The following FSTL4 variants were observed in gnomAD, a reference collection of about 807,000 sequenced individuals.
FSTL4 encodes follistatin-related protein 4.
Under a neutral mutation model 78.2 loss-of-function variants are expected in FSTL4, and 28 were observed. That is an observed-to-expected ratio of 0.36 (90% CI 0.27 to 0.49). The LOEUF (loss-of-function observed/expected upper bound fraction) is 0.49. Ranked by LOEUF, FSTL4 falls within the 20% of genes least tolerant of loss-of-function variation. The pLI, the probability that FSTL4 is intolerant of heterozygous loss-of-function variation, is 0.98. For missense variants in FSTL4, 922 were observed against 1,084.9 expected, an observed-to-expected ratio of 0.85 and a Z score of 2.11; for synonymous variants, 422 against 440.5, an observed-to-expected ratio of 0.96 and a Z score of 0.53.
At chr5:133,358,349 C>T (rs1052330981) in intron 4 of FSTL4, among the ~76,000 whole-genome samples, 2 of 152,082 alleles carry the variant, frequency 1.3e-5, no homozygotes, top group African/African-American at 4.8e-5. Flanking sequence ...CAATTCAGCC[C>T]GTCAGCTCCC....
chr5:133,284,018 T>C (rs1428145), intron 6 of FSTL4, among the ~76,000 whole-genome samples: 118,124 of 152,152 alleles, frequency 0.78, 46,130 homozygotes, highest in African/African-American at 0.87. Flanking sequence ...GGGGGAAATT[T>C]GATCCCATGA....
the FSTL4 span, among the ~76,000 whole-genome samples, chr5:133,679,443 G>A: frequency 7.9e-5 from 12 of 152,218 alleles, no homozygotes; most frequent in South Asian, 1.5e-3. Context: ...AGTGGGGATC[G>A]TGCTCCCTCA....
intron 3 of FSTL4, among the ~76,000 whole-genome samples, chr5:133,448,167 T>G (rs1212015493): frequency 2.6e-5 from 4 of 152,202 alleles, no homozygotes; most frequent in Non-Finnish European, 4.4e-5. Context: ...AACATTCCGT[T>G]AATTTGCCCC....
rs1166073254 is a variant in FSTL4 at position 133,391,791 on chromosome 5, CT to C, written c.409+8946del. ...CCTCACTCCCTAACCCCCCGGCCTG[CT>C]GCAGACCTTTGCCCAAATGTCACTT... is the stretch of plus-strand genomic sequence containing the variant. On this transcript the variant is annotated intron_variant, in intron 4 of 15. Coordinates refer to ENST00000265342, the MANE Select transcript of FSTL4 (RefSeq NM_015082.2). 1.4e-4 allele frequency among the ~76,000 whole-genome samples: 21 copies of C among 152,338 alleles called. 1 individual carries two copies. In the South Asian group the frequency reaches 3.3e-3, roughly 24 times the overall value.
intron 3 of FSTL4, among the ~76,000 whole-genome samples, chr5:133,560,846 G>C (rs1339524541): frequency 6.6e-6 from 1 of 151,470 alleles, no homozygotes; most frequent in Non-Finnish European, 1.5e-5. Flanking sequence ...CAGCACTTTG[G>C]GAGGCTGAGG....
the FSTL4 span, among the ~76,000 whole-genome samples, chr5:133,626,190 CAT>C: frequency 1.3e-3 from 2 of 1,572 alleles, no homozygotes; most frequent in Non-Finnish European, 2.1e-3. Flanking sequence ...ATATATATTC[CAT>C]ATATATATAT....
At chr5:133,410,887 A>ATCAAG (rs1756464859) in intron 3 of FSTL4, among the ~76,000 whole-genome samples, 2 of 152,226 alleles carry the variant, frequency 1.3e-5, no homozygotes. Flanking sequence ...AAAGCTTAGT[A>ATCAAG]ACAATATCGG....
At chr5:133,606,912 A>G (rs1760989879) in intron 1 of FSTL4, among the ~76,000 whole-genome samples, 1 of 152,262 alleles carries the variant, frequency 6.6e-6, no homozygotes. Flanking sequence ...CAAGCGCCAA[A>G]TCAGTTCATA....
chr5:133,609,130 G>T (rs1761036190), intron 1 of FSTL4, among the ~76,000 whole-genome samples: 1 of 152,116 alleles, frequency 6.6e-6, no homozygotes, highest in Non-Finnish European at 1.5e-5. Context: ...TACAGAAATG[G>T]CTTCTTTTTG....
intron 6 of FSTL4, among the ~76,000 whole-genome samples, chr5:133,294,469 C>T (rs763370613): frequency 1.3e-5 from 2 of 152,216 alleles, no homozygotes; most frequent in African/African-American, 4.8e-5. Flanking sequence ...TGCCACCCAC[C>T]GCCCCTCTTT....
intron 3 of FSTL4, among the ~76,000 whole-genome samples, chr5:133,483,105 C>A (rs1181041876): frequency 6.6e-6 from 1 of 152,066 alleles, no homozygotes; most frequent in African/African-American, 2.4e-5. Flanking sequence ...GTGAATAAGA[C>A]TTATATGAGA....
In FSTL4 at chr5:133,452,975, G is replaced by A. The variant is rs149214392; in HGVS notation, c.161-51989C>T. 5.7e-4 allele frequency among the ~76,000 whole-genome samples: 87 copies of A among 152,350 alleles called. 1 individual carries two copies. Among genetic ancestry groups the A allele is most frequent in the African/African-American group, 2.0e-3 (83 of 41,568 alleles). On this transcript the variant is annotated intron_variant, in intron 3 of 15. Transcript: ENST00000265342. Reference sequence around the variant, plus strand: ...AGGCACAGCAGTGAAGTCACTTGTTGGAGGTTATACAAATGGTGCATTATG... The same window carrying A: ...AGGCACAGCAGTGAAGTCACTTGTTAGAGGTTATACAAATGGTGCATTATG...
chr5:133,325,498 T>A (rs937910587), intron 4 of FSTL4, among the ~76,000 whole-genome samples: 3 of 151,952 alleles, frequency 2.0e-5, no homozygotes, highest in Admixed American at 6.5e-5. Context: ...AGGACATGGC[T>A]CAACATCATG....
chr5:133,413,216 T>C (rs534346437), intron 3 of FSTL4, among the ~76,000 whole-genome samples: 98 of 152,286 alleles, frequency 6.4e-4, no homozygotes, highest in Non-Finnish European at 1.2e-3. Context: ...ATACTGTATA[T>C]TGTGAGTCTG....
chr5:133,254,556 T>C (rs530987269), intron 6 of FSTL4, among the ~76,000 whole-genome samples: 3 of 152,338 alleles, frequency 2.0e-5, no homozygotes, highest in East Asian at 1.9e-4. Flanking sequence ...ATGACCATCA[T>C]AGGGATGCAG....
At chr5:133,732,441 C>T in the FSTL4 span, among the ~76,000 whole-genome samples, 1 of 152,180 alleles carries the variant, frequency 6.6e-6, no homozygotes, top group Non-Finnish European at 1.5e-5. Context: ...ATCTCTGGAG[C>T]CTGTCTGTGC....
chr5:133,697,113 C>T, the FSTL4 span, among the ~76,000 whole-genome samples: 2 of 152,212 alleles, frequency 1.3e-5, no homozygotes, highest in Non-Finnish European at 2.9e-5. Context: ...GTGTGGTGCT[C>T]CTCTTTGTCT....
the FSTL4 span, among the ~76,000 whole-genome samples, chr5:133,831,618 G>A: frequency 6.6e-6 from 1 of 152,270 alleles, no homozygotes; most frequent in Non-Finnish European, 1.5e-5. Flanking sequence ...TCATGGCAGG[G>A]AACAAGGGCC....
intron 4 of FSTL4, among the ~76,000 whole-genome samples, chr5:133,396,328 C>T (rs1338385703): frequency 1.3e-5 from 2 of 152,162 alleles, no homozygotes; most frequent in Admixed American, 1.3e-4. Context: ...TGGTATTATC[C>T]CCATTTTACA....
Sources: gnomAD v4.1 joint callset for allele counts (sites outside exome capture counted in the v4.1 genomes callset) on GRCh38, gnomAD v4.1.1 for gene constraint, MANE v1.5 for transcripts, NCBI Gene and HGNC (gene_info 2026-07-23, HGNC 2026-07-21) for gene names.